LRRC9: variants seen among roughly 807,000 people sequenced by gnomAD.
The protein encoded by LRRC9 is leucine-rich repeat-containing protein 9.
A neutral mutation model predicts 63.2 loss-of-function variants in LRRC9; 122 were observed. That is an observed-to-expected ratio of 1.93 (90% confidence interval 1.67 to 2.24). The LOEUF is 2.24. Ranked by LOEUF, LRRC9 falls within the 30% of genes most tolerant of loss-of-function variation. LRRC9 has a pLI of 0.00. For missense variants in LRRC9, 1,071 were observed against 627.7 expected (o/e 1.71, Z -7.55); for synonymous variants, 366 against 213.1 (o/e 1.72, Z -6.25).
chr14:60,028,223 A>G, intron 28 of LRRC9, 122 bp downstream of exon 28: 4 of 573,762 alleles, frequency 7.0e-6, no homozygotes, highest in Admixed American at 3.2e-5. Context: ...CCTATATACC[A>G]TCTATATTTC....
At chr14:59,999,880 A>G (rs1410653249) in intron 19 of LRRC9, among the ~76,000 whole-genome samples, 1 of 152,078 alleles carries the variant, frequency 6.6e-6, no homozygotes, top group Non-Finnish European at 1.5e-5. Context: ...AGAGCTGGGA[A>G]TTTACCCTAA....
In LRRC9 at chr14:60,003,817, T is replaced by A; in HGVS notation, c.2842+19T>A. ...ATAGAAGGTAAGGTACTTAAGAACT[T>A]TGAAGTCTCAAAATATGGGATGTCT... On this transcript the variant is annotated intron_variant, in intron 21 of 31. Coordinates refer to ENST00000445360, the Ensembl canonical transcript of LRRC9. This position sits in a 1 kb window ranked among gnomAD's most constrained non-coding sequence, Gnocchi z 4.2. The A allele has an allele frequency of 1.8e-6, 1 of 552,618 alleles. No individual in the cohort carries two copies. Among genetic ancestry groups the A allele is most frequent in the Non-Finnish European group, 3.2e-6 (1 of 313,142 alleles). 34.2% of individuals were successfully genotyped at this position (552,618 alleles called of 1,614,324 possible). A position where few individuals can be genotyped will look rare whatever the true frequency, so the allele number is the denominator to read the frequency against.
rs1315932158 is a variant in LRRC9 at position 59,923,907 on chromosome 14, C to T, written c.-33-4004C>T. On this transcript the variant is annotated intron_variant, in intron 1 of 31. Coordinates refer to ENST00000445360, the Ensembl canonical transcript of LRRC9. This position sits in a 1 kb window ranked among gnomAD's most constrained non-coding sequence, Gnocchi z 4.2. ...AGTGAGCTGAGATCGCGCCACTGCACTGTACTCCAGCCTGGGAGACAGAGC... is the reference window on the plus strand; with the variant it reads ...AGTGAGCTGAGATCGCGCCACTGCATTGTACTCCAGCCTGGGAGACAGAGC... Among the ~76,000 whole-genome samples, 2 of 152,184 alleles carry T rather than the reference C, an allele frequency of 1.3e-5. No homozygotes were observed. The highest frequency in any genetic ancestry group is 3.8e-4 in the East Asian group (2 of 5,198).
chr14:59,990,406 T>C lies in LRRC9; in HGVS notation c.2211+5182T>C, dbSNP rs1277618570. On this transcript the variant is annotated intron_variant, in intron 17 of 31. Coordinates refer to ENST00000445360, the Ensembl canonical transcript of LRRC9. The surrounding 1 kb of genome is among the most constrained non-coding windows in gnomAD (Gnocchi z 4.2). ...TTTCTTCAGACCTTTCTTTTTTCTT[T>C]TTCTTTTTTCATTTTTAGACAGGGT... Among the ~76,000 whole-genome samples, 1 of 152,094 alleles carries C rather than the reference T, an allele frequency of 6.6e-6. No individual in the cohort carries two copies.
chr14:59,986,579 A>G lies in LRRC9; in HGVS notation c.2211+1355A>G, dbSNP rs1887496172. On this transcript the variant is annotated intron_variant, in intron 17 of 31. Coordinates refer to ENST00000445360, the Ensembl canonical transcript of LRRC9. The surrounding 1 kb of genome is among the most constrained non-coding windows in gnomAD (Gnocchi z 4.7). ...TAGAAGAGGTCTCAGGACTGTATGT[A>G]GATTGTTGGTATTTTTATTTTTTTC... is the stretch of plus-strand genomic sequence containing the variant. Among the ~76,000 whole-genome samples the G allele has an allele frequency of 1.3e-5, 2 of 152,200 alleles. No homozygotes were observed. Among genetic ancestry groups the G allele is most frequent in the South Asian group, 4.1e-4 (2 of 4,830 alleles).
chr14:60,024,096 C>G (rs1399216943), intron 27 of LRRC9, among the ~76,000 whole-genome samples: 1 of 152,032 alleles, frequency 6.6e-6, no homozygotes. Flanking sequence ...AATAGTGCTG[C>G]AATAAACATA....
At chr14:60,006,719 G>T in intron 22 of LRRC9, 102 bp downstream of exon 22, 2 of 521,128 alleles carry the variant, frequency 3.8e-6, no homozygotes, top group Non-Finnish European at 6.7e-6. Context: ...AAAATATAAA[G>T]AAAATAAAAA....
chr14:59,956,915 T>C (rs1883817377), intron 8 of LRRC9, among the ~76,000 whole-genome samples: 3 of 152,232 alleles, frequency 2.0e-5, no homozygotes, highest in Admixed American at 2.0e-4. Flanking sequence ...TACAAAATTC[T>C]GAGTTGAAAA....
At chr14:60,036,311 A>G (rs2140350547) in intron 29 of LRRC9, among the ~76,000 whole-genome samples, 1 of 152,276 alleles carries the variant, frequency 6.6e-6, no homozygotes. Context: ...CTCAGGGTTC[A>G]CCTATTGTTC....
chr14:59,928,478 T>C (rs1157073283), exon 3 of LRRC9: 2 of 669,404 alleles, frequency 3.0e-6, no homozygotes, highest in African/African-American at 1.8e-5. Flanking sequence ...TGCTGAGTGC[T>C]GCATAGAGGT....
chr14:59,938,960 C>CTCATATAT lies in LRRC9; in HGVS notation c.726+388_726+389insTCATATAT, dbSNP rs1566790336. On this transcript the variant is annotated intron_variant, in intron 7 of 31. Transcript: ENST00000445360. This position sits in a 1 kb window ranked among gnomAD's most constrained non-coding sequence, Gnocchi z 4.2. ...ATATACATATACATACATATATACA[C>CTCATATAT]ACATATATACATATATACATATATA... Among the ~76,000 whole-genome samples the CTCATATAT allele has an allele frequency of 3.0e-4, 43 of 143,104 alleles. No homozygotes were observed. Among genetic ancestry groups the CTCATATAT allele is most frequent in the African/African-American group, 1.0e-3 (38 of 37,940 alleles). 93.9% of individuals were successfully genotyped at this position (143,104 alleles called of 152,430 possible).
At chr14:60,055,735 A>G (rs1245877649) in intron 30 of LRRC9, among the ~76,000 whole-genome samples, 2 of 148,648 alleles carry the variant, frequency 1.3e-5, no homozygotes, top group Non-Finnish European at 3.0e-5. Flanking sequence ...TCTATTTAAA[A>G]AAAAAAAAAA....
chr14:60,036,083 G>A (rs1892409317), intron 29 of LRRC9, among the ~76,000 whole-genome samples: 1 of 152,068 alleles, frequency 6.6e-6, no homozygotes, highest in African/African-American at 2.4e-5. Context: ...GGTTGGATGT[G>A]AAGAGGGCAC....
At chr14:60,002,268 T>C (rs1044323006) in intron 20 of LRRC9, among the ~76,000 whole-genome samples, 168 bp downstream of exon 20, 4 of 152,200 alleles carry the variant, frequency 2.6e-5, no homozygotes, top group African/African-American at 4.8e-5. Context: ...TCTTGGCAAA[T>C]TTCAAGTATA....
At chr14:60,028,729 C>T (rs1891752099) in intron 28 of LRRC9, among the ~76,000 whole-genome samples, 1 of 152,126 alleles carries the variant, frequency 6.6e-6, no homozygotes, top group Non-Finnish European at 1.5e-5. Flanking sequence ...TGTTAGCTCT[C>T]CTTTTACCAA....
Position 60,053,062 on chromosome 14 carries a change from C to T in LRRC9, c.3991-3C>T. 1.4e-6 allele frequency: 1 copy of T among 693,300 alleles called. No individual in the cohort carries two copies. The highest frequency in any genetic ancestry group is 2.3e-4 in the Middle Eastern group (1 of 4,330). The allele number at this position is 693,300 out of a possible 1,614,324, so 42.9% of individuals were successfully genotyped here. ...ATAAATTGTTATTTTTAACTTTATT[C>T]AGATTTGTAGAAAAATGCTACATCG... On this transcript the variant is annotated splice_polypyrimidine_tract_variant and splice_region_variant and intron_variant, in intron 29 of 31. Coordinates refer to ENST00000445360, the Ensembl canonical transcript of LRRC9. The surrounding 1 kb of genome is among the most constrained non-coding windows in gnomAD (Gnocchi z 4.8).
At chr14:60,001,740 A>C (rs1017367298) in intron 19 of LRRC9, among the ~76,000 whole-genome samples, 1 of 152,192 alleles carries the variant, frequency 6.6e-6, no homozygotes. Context: ...ATCATTTTAC[A>C]GTCTTATAAA....
intron 21 of LRRC9, among the ~76,000 whole-genome samples, chr14:60,005,787 T>C (rs1889758675): frequency 6.6e-6 from 1 of 152,118 alleles, no homozygotes; most frequent in African/African-American, 2.4e-5. Context: ...AGTAGTGATA[T>C]ATTTGAAGCC....
rs553403633 is a variant in LRRC9 at position 59,964,283 on chromosome 14, T to C, written c.1212-2306T>C. On this transcript the variant is annotated intron_variant, in intron 10 of 31. Coordinates refer to ENST00000445360, the Ensembl canonical transcript of LRRC9. The surrounding 1 kb of genome is among the most constrained non-coding windows in gnomAD (Gnocchi z 4.4). ...TTCTCCACTGTATAGTTTTAGACTA[T>C]CATAACTTCTGTTCAACTCTTTTAA... is the stretch of plus-strand genomic sequence containing the variant. Among the ~76,000 whole-genome samples, 3 of 152,342 alleles carry C rather than the reference T, an allele frequency of 2.0e-5. No homozygotes were observed. The highest frequency in any genetic ancestry group is 2.1e-4 in the South Asian group (1 of 4,828).
Sources: allele counts gnomAD v4.1 joint callset (sites outside exome capture counted in the v4.1 genomes callset), GRCh38; gene constraint gnomAD v4.1.1; non-coding constraint Gnocchi (gnomAD v3.1); transcripts MANE v1.5; gene names NCBI Gene and HGNC (gene_info 2026-07-23, HGNC 2026-07-21).